The following ASPSCR1 variants were observed in gnomAD, a reference collection of about 807,000 sequenced individuals.
ASPSCR1 encodes tether containing UBX domain for GLUT4.
In ASPSCR1, 55 loss-of-function variants were observed where a neutral mutation model predicts 68.9. The ratio of observed to expected loss-of-function variants is 0.80; its 90% CI spans 0.64 to 1.00. The LOEUF is 1.00. Among genes scored for constraint, ASPSCR1 ranks in the 50% least tolerant of loss-of-function variants. The pLI, the probability that ASPSCR1 is intolerant of heterozygous loss-of-function variation, is 0.00. For missense variants in ASPSCR1, 765 were observed against 762.2 expected, an observed-to-expected ratio of 1.00 and a Z score of -0.04; for synonymous variants, 352 against 332.6, an observed-to-expected ratio of 1.06 and a Z score of -0.63.
At chr17:81,994,790 G>T in intron 4 of ASPSCR1, 31 bp from the exon 5 acceptor site, 1 of 1,609,648 alleles carries the variant, frequency 6.2e-7, no homozygotes. Flanking sequence ...CTGCCCTGGG[G>T]TACCTGATGG....
chr17:81,985,375 G>A (rs2144009716), intron 3 of ASPSCR1, 132 bp from the exon 4 acceptor site: 5 of 872,846 alleles, frequency 5.7e-6, no homozygotes, highest in Non-Finnish European at 8.9e-6. Flanking sequence ...AGCCTTCTCC[G>A]TGGGGGTCAG....
rs576394716 is a variant in ASPSCR1 at position 81,985,358 on chromosome 17, G to A, written c.274-149G>A. On this transcript the variant is annotated intron_variant, in intron 3 of 15. Coordinates refer to ENST00000306739, the MANE Select transcript of ASPSCR1 (RefSeq NM_024083.4). ...CAAGGCCCTCACTCCAGAGTGAATA[G>A]GAGGGTAGCCTTCTCCGTGGGGGTC... 891 of 734,546 alleles carry A rather than the reference G, an allele frequency of 1.2e-3. 1 individual carries two copies. Among genetic ancestry groups the A allele is most frequent in the Non-Finnish European group, 1.7e-3 (759 of 445,138 alleles). 45.5% of individuals were successfully genotyped at this position (734,546 alleles called of 1,614,324 possible). A position where few individuals can be genotyped will look rare whatever the true frequency, so the allele number is the denominator to read the frequency against.
intron 2 of ASPSCR1, among the ~76,000 whole-genome samples, chr17:81,982,273 G>C (rs927393024): frequency 5.9e-5 from 9 of 152,230 alleles, no homozygotes; most frequent in Non-Finnish European, 1.2e-4. Flanking sequence ...CCAGCGCATT[G>C]TTACTTCTCA....
chr17:81,985,089 C>T (rs2041945983), intron 3 of ASPSCR1, among the ~76,000 whole-genome samples: 1 of 149,260 alleles, frequency 6.7e-6, no homozygotes, highest in African/African-American at 2.5e-5. Flanking sequence ...CACACCTACA[C>T]ATCTGCGCAC....
At chr17:82,002,655 C>G (rs1004311094) in intron 7 of ASPSCR1, among the ~76,000 whole-genome samples, 1 of 151,092 alleles carries the variant, frequency 6.6e-6, no homozygotes, top group Non-Finnish European at 1.5e-5. Flanking sequence ...CTCCACCTCC[C>G]GGGTTCAAGT....
intron 7 of ASPSCR1, chr17:82,008,822 A>G: frequency 1.9e-6 from 1 of 539,130 alleles, no homozygotes; most frequent in East Asian, 3.4e-5. Flanking sequence ...GGGGGTCTCC[A>G]GCCCTGGACA....
Position 82,011,737 on chromosome 17 carries a change from G to T in ASPSCR1, c.1300+132G>T, listed in dbSNP as rs80039090. The T allele has an allele frequency of 6.6e-3, 6,498 of 988,102 alleles. 318 individuals carry two copies. The Admixed American group carries it at 0.11, about 17-fold the overall frequency. 61.2% of individuals were successfully genotyped at this position (988,102 alleles called of 1,614,324 possible). Reference sequence around the variant, plus strand: ...GCAGCATCTGTGGCCTCCCGCCCAGGTGCCTCCTGCAGCCCATGGTGTCTG... The same window carrying T: ...GCAGCATCTGTGGCCTCCCGCCCAGTTGCCTCCTGCAGCCCATGGTGTCTG... On this transcript the variant is annotated intron_variant, in intron 11 of 15. Coordinates refer to ENST00000306739, the MANE Select transcript of ASPSCR1 (RefSeq NM_024083.4).
chr17:82,016,700 C>A, intron 13 of ASPSCR1, 100 bp from the exon 14 acceptor site: 1 of 1,470,628 alleles, frequency 6.8e-7, no homozygotes, highest in Non-Finnish European at 9.2e-7. Context: ...CACCTGCTGG[C>A]CACCCCCCTC....
intron 7 of ASPSCR1, chr17:82,004,778 G>A (rs1312293582): frequency 6.6e-6 from 1 of 152,356 alleles, no homozygotes; most frequent in Non-Finnish European, 1.5e-5. Flanking sequence ...GAGGGGCAGG[G>A]TCGGGAAGAA....
intron 12 of ASPSCR1, chr17:82,014,919 T>C: frequency 2.2e-6 from 2 of 926,752 alleles, no homozygotes; most frequent in Non-Finnish European, 1.6e-6. Context: ...GCACCCCCAC[T>C]TCTCCCTGTC....
intron 2 of ASPSCR1, among the ~76,000 whole-genome samples, chr17:81,981,745 C>G (rs569964530): frequency 6.6e-6 from 1 of 152,100 alleles, no homozygotes; most frequent in African/African-American, 2.4e-5. Flanking sequence ...CTCAGCTCAC[C>G]GCAACCTCTG....
chr17:81,985,690 G>T, intron 4 of ASPSCR1, 83 bp downstream of exon 4: 3 of 1,395,948 alleles, frequency 2.1e-6, no homozygotes, highest in Non-Finnish European at 3.0e-6. Flanking sequence ...TTCAGAGCTG[G>T]ACACCCAAGC....
chr17:82,016,056 G>C (rs1016523666), intron 12 of ASPSCR1: 1 of 193,300 alleles, frequency 5.2e-6, no homozygotes, highest in Non-Finnish European at 1.1e-5. Context: ...GCCTGGAGCC[G>C]GGAGGGGGAA....
chr17:81,992,432 A>C (rs2042200865), intron 4 of ASPSCR1, among the ~76,000 whole-genome samples: 1 of 152,186 alleles, frequency 6.6e-6, no homozygotes, highest in African/African-American at 2.4e-5. Flanking sequence ...GTTTGATGTC[A>C]CGCTGCTGTG....
At chr17:81,985,434 G>T in intron 3 of ASPSCR1, 73 bp from the exon 4 acceptor site, 1 of 1,500,046 alleles carries the variant, frequency 6.7e-7, no homozygotes. Flanking sequence ...TGTGTCTGGA[G>T]AATCAGTCTG....
intron 9 of ASPSCR1, among the ~76,000 whole-genome samples, chr17:82,010,528 CAA>C (rs1193895939): frequency 1.0e-4 from 6 of 57,164 alleles, no homozygotes; most frequent in East Asian, 5.3e-4. Flanking sequence ...GACTCCATCT[CAA>C]AAAAAAAAAA....
At chr17:82,008,712 C>T (rs896332929) in intron 7 of ASPSCR1, 5 of 286,182 alleles carry the variant, frequency 1.7e-5, no homozygotes, top group Non-Finnish European at 2.6e-5. Flanking sequence ...CCCCTCCCCC[C>T]CATGGAGACC....
intron 7 of ASPSCR1, chr17:82,006,689 CA>C (rs1386172817): frequency 6.6e-6 from 1 of 152,300 alleles, no homozygotes; most frequent in African/African-American, 2.4e-5. Flanking sequence ...GGAATTCCCC[CA>C]GGGGCCAGGC....
In ASPSCR1 at chr17:82,014,935, A is replaced by G. The variant is rs1186096674; in HGVS notation, c.1354-1541A>G. On this transcript the variant is annotated intron_variant, in intron 12 of 15. Coordinates refer to ENST00000306739, the MANE Select transcript of ASPSCR1 (RefSeq NM_024083.4). ...CACCCCCACTTCTCCCTGTCAGCCG[A>G]GGGAGCCAGGCAGGGGCAGCCTGAG... 1.1e-5 allele frequency: 12 copies of G among 1,046,568 alleles called. No homozygotes were observed. In the East Asian group the frequency reaches 2.3e-4, roughly 20 times the overall value. 64.8% of individuals were successfully genotyped at this position (1,046,568 alleles called of 1,614,324 possible).
Sources: allele counts gnomAD v4.1 joint callset (sites outside exome capture counted in the v4.1 genomes callset), GRCh38; gene constraint gnomAD v4.1.1; transcripts MANE v1.5; gene names NCBI Gene and HGNC (gene_info 2026-07-23, HGNC 2026-07-21).